The following ASIC2 variants were observed in gnomAD, a reference collection of about 807,000 sequenced individuals.
ASIC2 encodes acid sensing ion channel subunit 2, also known as acid-sensing ion channel 2.
In ASIC2, 25 loss-of-function variants were observed where a neutral mutation model predicts 57.3. The observed-to-expected ratio is 0.44, with a 90% CI of 0.32 to 0.61. The LOEUF (loss-of-function observed/expected upper bound fraction) is 0.61, where lower values mean the gene tolerates loss of function less well. Ranked by LOEUF, ASIC2 falls within the 20% of genes least tolerant of loss-of-function variation. ASIC2 has a pLI of 0.06. For synonymous variants in ASIC2, 319 were observed against 307.5 expected (o/e 1.04, Z -0.39); for missense variants, 641 against 738.1 (o/e 0.87, Z 1.52).
At chr17:34,055,840 C>T (rs1182509355) in intron 1 of ASIC2, among the ~76,000 whole-genome samples, 1 of 152,136 alleles carries the variant, frequency 6.6e-6, no homozygotes, top group African/African-American at 2.4e-5. Flanking sequence ...GAATGTTGTA[C>T]AATTATTGCT....
chr17:33,316,340 C>T (rs1455064179), intron 1 of ASIC2, among the ~76,000 whole-genome samples: 1 of 152,158 alleles, frequency 6.6e-6, no homozygotes, highest in Non-Finnish European at 1.5e-5. Flanking sequence ...CTCTTCACCC[C>T]AACTCTCTCT....
intron 1 of ASIC2, among the ~76,000 whole-genome samples, chr17:33,464,264 A>G (rs1241438308): frequency 2.6e-5 from 4 of 152,170 alleles, no homozygotes; most frequent in African/African-American, 7.2e-5. Flanking sequence ...GCTGGATTCT[A>G]TGAAGCCTCT....
At chr17:33,781,316 A>G (rs1370818278) in intron 1 of ASIC2, among the ~76,000 whole-genome samples, 1 of 152,194 alleles carries the variant, frequency 6.6e-6, no homozygotes, top group Admixed American at 6.5e-5. Flanking sequence ...GTGGCTGGCT[A>G]CGTGTCTTTT....
intron 1 of ASIC2, among the ~76,000 whole-genome samples, chr17:33,353,764 C>G (rs1045419363): frequency 3.3e-5 from 5 of 152,114 alleles, no homozygotes; most frequent in Admixed American, 6.5e-5. Context: ...ATCCTCAGTT[C>G]TTTGGGTGTT....
intron 1 of ASIC2, among the ~76,000 whole-genome samples, chr17:33,856,670 T>C (rs1913964267): frequency 1.6e-5 from 2 of 122,922 alleles, no homozygotes; most frequent in African/African-American, 2.7e-5. Context: ...GGGTGTGCTC[T>C]TTGAGTTGTG....
chr17:33,739,641 G>A (rs1910032785), intron 1 of ASIC2, among the ~76,000 whole-genome samples: 1 of 152,172 alleles, frequency 6.6e-6, no homozygotes, highest in Non-Finnish European at 1.5e-5. Flanking sequence ...GAGAGCTCCT[G>A]AGAAGTATCT....
chr17:33,905,886 C>T (rs182445480), intron 1 of ASIC2, among the ~76,000 whole-genome samples: 2 of 152,154 alleles, frequency 1.3e-5, no homozygotes, highest in Admixed American at 6.5e-5. Flanking sequence ...GGCATAATCT[C>T]GCCTCACTGC....
At chr17:33,701,354 G>A (rs1908693873) in intron 1 of ASIC2, among the ~76,000 whole-genome samples, 1 of 152,060 alleles carries the variant, frequency 6.6e-6, no homozygotes, top group Non-Finnish European at 1.5e-5. Context: ...CCAAGCCTTG[G>A]ATCATATCAT....
intron 1 of ASIC2, among the ~76,000 whole-genome samples, chr17:33,149,770 A>G (rs1459201113): frequency 6.6e-6 from 1 of 152,222 alleles, no homozygotes; most frequent in African/African-American, 2.4e-5. Flanking sequence ...TTTGATCAAT[A>G]GTGAGGTTGA....
chr17:33,701,620 T>C (rs913743968), intron 1 of ASIC2, among the ~76,000 whole-genome samples: 1 of 152,194 alleles, frequency 6.6e-6, no homozygotes, highest in African/African-American at 2.4e-5. Flanking sequence ...TTTGAGCACC[T>C]TGACACAGTA....
At chr17:33,604,183 G>A (rs1905172405) in intron 1 of ASIC2, among the ~76,000 whole-genome samples, 1 of 152,164 alleles carries the variant, frequency 6.6e-6, no homozygotes, top group Admixed American at 6.5e-5. Flanking sequence ...GGGGCCCCCA[G>A]GCATGCAAAA....
intron 1 of ASIC2, among the ~76,000 whole-genome samples, chr17:33,662,575 A>C (rs2142045731): frequency 6.6e-6 from 1 of 151,918 alleles, no homozygotes; most frequent in East Asian, 1.9e-4. Flanking sequence ...GTGAGCCGAG[A>C]TCATGCCACT....
intron 1 of ASIC2, among the ~76,000 whole-genome samples, chr17:33,715,843 C>T (rs1909202014): frequency 6.6e-6 from 1 of 152,144 alleles, no homozygotes; most frequent in Non-Finnish European, 1.5e-5. Flanking sequence ...AGCCAAACCA[C>T]ATTGATAAAA....
chr17:33,491,846 T>A (rs1727977348), intron 1 of ASIC2, among the ~76,000 whole-genome samples: 1 of 152,214 alleles, frequency 6.6e-6, no homozygotes, highest in South Asian at 2.1e-4. Context: ...AGGGAGTCAG[T>A]ATTTAGGGAG....
In ASIC2 at chr17:33,813,626, C is replaced by T. The variant is rs1311392313; in HGVS notation, c.555+342352G>A. Among the ~76,000 whole-genome samples the T allele has an allele frequency of 3.9e-5, 6 of 152,186 alleles. No individual in the cohort carries two copies. In the South Asian group the frequency reaches 8.3e-4, roughly 21 times the overall value. ...TAATTTTTTGTATTTTTAGTAGAGA[C>T]GGGGTTTCACCGTGTTAGCCAGGAT... On this transcript the variant is annotated intron_variant, in intron 1 of 9. Coordinates refer to the ASIC2 transcript ENST00000359872.
chr17:33,550,136 GT>G (rs5820048), intron 1 of ASIC2, among the ~76,000 whole-genome samples: 85,671 of 151,552 alleles, frequency 0.57, 25,318 homozygotes, highest in African/African-American at 0.75. Flanking sequence ...GCTCAGTGGA[GT>G]TCTGCACAGT....
At chr17:33,940,952 C>T (rs1916177731) in intron 1 of ASIC2, among the ~76,000 whole-genome samples, 1 of 152,226 alleles carries the variant, frequency 6.6e-6, no homozygotes, top group Admixed American at 6.5e-5. Flanking sequence ...CAAGCACAGC[C>T]TCCAGGGCCA....
intron 1 of ASIC2, among the ~76,000 whole-genome samples, chr17:33,218,624 T>C (rs444334): frequency 0.72 from 106,962 of 149,426 alleles, 38,507 homozygotes; most frequent in Middle Eastern, 0.8. Context: ...AAGTTGAGCA[T>C]TGCCGGGGTG....
chr17:33,527,564 A>G (rs574147435), intron 1 of ASIC2, among the ~76,000 whole-genome samples: 67 of 152,296 alleles, frequency 4.4e-4, no homozygotes, highest in African/African-American at 1.5e-3. Flanking sequence ...TATGGAAATC[A>G]TACTTGGAAA....
Sources: allele counts gnomAD v4.1 joint callset (sites outside exome capture counted in the v4.1 genomes callset), GRCh38; gene constraint gnomAD v4.1.1; transcripts MANE v1.5; gene names NCBI Gene and HGNC (gene_info 2026-07-23, HGNC 2026-07-21).